The following MAPK6 variants were observed in gnomAD, a reference collection of about 807,000 sequenced individuals.
MAPK6 encodes the protein mitogen-activated protein kinase 6.
A neutral mutation model predicts 59.3 loss-of-function variants in MAPK6; 19 were observed. The observed-to-expected ratio is 0.32, with a 90% CI of 0.22 to 0.47. The LOEUF is 0.47. MAPK6 is among the 20% of genes least tolerant of loss of function. MAPK6 has a pLI of 1.00. For synonymous variants in MAPK6, 316 were observed against 290.3 expected (o/e 1.09, Z -0.90); for missense variants, 724 against 847.9 (o/e 0.85, Z 1.81).
chr15:52,016,397 G>GAA (rs530715828), upstream of MAPK6, among the ~76,000 whole-genome samples: 4 of 142,116 alleles, frequency 2.8e-5, no homozygotes, highest in East Asian at 8.1e-4. Flanking sequence ...CTCAAAAAAA[G>GAA]AAAAAAAAAA....
chr15:52,027,349 CAAAAAAAA>C (rs71130120), intron 1 of MAPK6, among the ~76,000 whole-genome samples: 6 of 49,170 alleles, frequency 1.2e-4, no homozygotes, highest in Non-Finnish European at 2.0e-4. Context: ...GACTCCCTCT[CAAAAAAAA>C]AAAAAAAAAA....
At chr15:51,986,613 A>G (rs1438788488) in intron 2 of MAPK6, among the ~76,000 whole-genome samples, 3 of 152,212 alleles carry the variant, frequency 2.0e-5, no homozygotes, top group African/African-American at 4.8e-5. Flanking sequence ...CCTCACTGTC[A>G]CTGCTTAGGA....
chr15:52,040,251 C>T (rs902535249), intron 1 of MAPK6, among the ~76,000 whole-genome samples: 2 of 152,214 alleles, frequency 1.3e-5, no homozygotes, highest in South Asian at 2.1e-4. Context: ...ATAAGAAAAG[C>T]TCAACCTTTC....
upstream of MAPK6, among the ~76,000 whole-genome samples, chr15:52,016,992 A>G (rs2030290294): frequency 6.6e-6 from 1 of 152,204 alleles, no homozygotes; most frequent in Admixed American, 6.5e-5. Flanking sequence ...CAGAGGTTGC[A>G]GTGAGCCAAG....
At chr15:51,990,219 G>A (rs2057203602) in intron 2 of MAPK6, among the ~76,000 whole-genome samples, 1 of 152,162 alleles carries the variant, frequency 6.6e-6, no homozygotes, top group African/African-American at 2.4e-5. Flanking sequence ...TAGTGCAAAA[G>A]GTTGCACTAA....
Position 52,046,885 on chromosome 15 carries a change from A to G in MAPK6, c.425A>G (p.Tyr142Cys). Reference sequence around the variant, plus strand: ...TATCAGCTGCTACGGGGGCTCAAGTATATTCACTCTGCAAATGTACTGCAC... The same window carrying G: ...TATCAGCTGCTACGGGGGCTCAAGTGTATTCACTCTGCAAATGTACTGCAC... ...FMYQLLRGLK[Y>C]IHSANVLHRD... is the part of the protein sequence containing the mutation. The change falls in exon 2 of 6, where the codon TAT becomes TGT. Residue 142 changes from tyrosine (Y) to cysteine (C), a missense_variant. This residue lies in a region of MAPK6 where 105 missense variants were observed against 191.9 expected (regional missense o/e 0.55). Coordinates refer to ENST00000261845, the MANE Select transcript of MAPK6 (RefSeq NM_002748.4). 6.2e-7 allele frequency: 1 copy of G among 1,614,108 alleles called. No homozygotes were observed. The highest frequency in any genetic ancestry group is 8.5e-7 in the Non-Finnish European group (1 of 1,180,006).
In MAPK6 at chr15:52,046,806, G is replaced by T; in HGVS notation, c.346G>T (p.Ala116Ser). The change falls in exon 2 of 6, where the codon GCT becomes TCT. Residue 116 changes from alanine (A) to serine (S), a missense_variant. Ala to Ser is a moderately conservative substitution (Grantham distance 99). This residue lies in a region of MAPK6 where 87 missense variants were observed against 93.0 expected (regional missense o/e 0.93). Transcript: ENST00000261845. ...TCAGGAGTACATGGAGACAGACTTG[G>T]CTAATGTGCTGGAGCAGGGCCCTTT... ...IVQEYMETDL[A>S]NVLEQGPLLE... 1 of 1,613,908 alleles carries T rather than the reference G, an allele frequency of 6.2e-7. No homozygotes were observed. Among genetic ancestry groups the T allele is most frequent in the Non-Finnish European group, 8.5e-7 (1 of 1,179,906 alleles).
intron 1 of MAPK6, among the ~76,000 whole-genome samples, chr15:52,029,396 G>T (rs937527664): frequency 1.3e-5 from 2 of 150,268 alleles, no homozygotes; most frequent in Non-Finnish European, 3.0e-5. Context: ...AAACTCCTGG[G>T]TTTTTTTTTC....
intron 3 of MAPK6, among the ~76,000 whole-genome samples, chr15:52,006,063 G>A (rs1357028131): frequency 2.6e-5 from 4 of 152,142 alleles, no homozygotes; most frequent in African/African-American, 9.7e-5. Flanking sequence ...GTACTGAATT[G>A]GAATAATGCA....
intron 3 of MAPK6, among the ~76,000 whole-genome samples, chr15:52,010,834 T>C (rs551172299): frequency 6.6e-6 from 1 of 152,318 alleles, no homozygotes; most frequent in Non-Finnish European, 1.5e-5. Context: ...GATACTCTTG[T>C]TGCCCCATCC....
intron 1 of MAPK6, among the ~76,000 whole-genome samples, chr15:52,032,061 A>T (rs892183805): frequency 1.3e-5 from 2 of 151,696 alleles, no homozygotes; most frequent in Non-Finnish European, 2.9e-5. Flanking sequence ...TTTTTAGTAG[A>T]GATAGGGTTT....
intron 3 of MAPK6, among the ~76,000 whole-genome samples, chr15:52,053,070 GTTTTTTTT>G (rs140172832): frequency 1.6e-5 from 2 of 125,330 alleles, no homozygotes; most frequent in Admixed American, 8.2e-5. Context: ...TCTCATTGTG[GTTTTTTTT>G]TTTTTTTTTT....
intron 3 of MAPK6, among the ~76,000 whole-genome samples, chr15:52,004,675 G>A (rs1251287959): frequency 6.6e-6 from 1 of 152,176 alleles, no homozygotes; most frequent in East Asian, 1.9e-4. Flanking sequence ...AAGGGCAAGA[G>A]TGATCTCAAG....
chr15:52,014,702 C>CA (rs2030183460), upstream of MAPK6, among the ~76,000 whole-genome samples: 1 of 115,218 alleles, frequency 8.7e-6, no homozygotes. Flanking sequence ...GTGAGATTTT[C>CA]TAAAAAAAAA....
chr15:51,996,587 G>C (rs1042175840), intron 2 of MAPK6, among the ~76,000 whole-genome samples: 8 of 151,744 alleles, frequency 5.3e-5, no homozygotes, highest in African/African-American at 1.9e-4. Context: ...GTAGAAACGA[G>C]GTTTCGCCAT....
At chr15:51,996,113 T>TTACCTTCAC (rs2057223468) in intron 2 of MAPK6, among the ~76,000 whole-genome samples, 1 of 152,140 alleles carries the variant, frequency 6.6e-6, no homozygotes, top group Admixed American at 6.5e-5. Flanking sequence ...GTTGCTGTAT[T>TTACCTTCAC]ATCCATTTAC....
At chr15:52,050,215 A>C in intron 3 of MAPK6, 78 bp downstream of exon 3, 4 of 1,272,080 alleles carry the variant, frequency 3.1e-6, no homozygotes, top group Non-Finnish European at 4.4e-6. Context: ...GATTCATATA[A>C]GATTTAAAAT....
chr15:52,047,770 A>G (rs2031641405), intron 2 of MAPK6, among the ~76,000 whole-genome samples: 1 of 151,872 alleles, frequency 6.6e-6, no homozygotes, highest in African/African-American at 2.4e-5. Context: ...CTAAAGGTGC[A>G]TGCCAGCACA....
rs368179816 is a variant in MAPK6 at position 51,998,504 on chromosome 15, CT to C, written c.-769-5746del. Reference sequence around the variant, plus strand: ...ACAGGCATGAGCCACCGCACCTGGCCTTTTTTTTTTTTTTTCTCCCCTCTCT... The same window carrying C: ...ACAGGCATGAGCCACCGCACCTGGCCTTTTTTTTTTTTTTCTCCCCTCTCT... On this transcript the variant is annotated intron_variant, in intron 2 of 7. Coordinates refer to the MAPK6 transcript ENST00000691380. Among the ~76,000 whole-genome samples the C allele has an allele frequency of 3.2e-3, 417 of 128,494 alleles. 2 individuals are homozygous for C. Among genetic ancestry groups the C allele is most frequent in the African/African-American group, 5.1e-3 (172 of 33,522 alleles). The allele number at this position is 128,494 out of a possible 152,430, so 84.3% of individuals were successfully genotyped here.
Sources: gnomAD v4.1 joint callset for allele counts (sites outside exome capture counted in the v4.1 genomes callset) on GRCh38, gnomAD v4.1.1 for gene constraint, gnomAD v4.1.1 regional missense constraint, MANE v1.5 for transcripts, NCBI Gene and HGNC (gene_info 2026-07-23, HGNC 2026-07-21) for gene names.